The following TMLHE variants were observed in gnomAD, a reference collection of about 807,000 sequenced individuals.
TMLHE encodes the protein trimethyllysine hydroxylase, epsilon.
TMLHE carries 18 observed loss-of-function variants against 25.7 expected under a neutral mutation model. That is an observed-to-expected ratio of 0.70 (90% CI 0.48 to 1.04). TMLHE has a LOEUF of 1.04. TMLHE is among the 50% of genes least tolerant of loss of function. The probability of loss-of-function intolerance (pLI) is 0.00; values close to 1 mark genes in which losing one functional copy is unlikely to be tolerated. For missense variants in TMLHE, 236 were observed against 259.0 expected (o/e 0.91, Z 0.61); for synonymous variants, 105 against 97.0 (o/e 1.08, Z -0.49).
chrX:155,606,502 T>C (rs2067787379), intron 1 of TMLHE, among the ~76,000 whole-genome samples: 1 of 111,764 alleles, frequency 8.9e-6, no homozygotes, highest in South Asian at 3.7e-4. Context: ...AACCTGCTCC[T>C]GAATGACTTT....
intron 1 of TMLHE, among the ~76,000 whole-genome samples, chrX:155,580,418 T>C (rs1157169399): frequency 8.9e-6 from 1 of 111,834 alleles, no homozygotes; most frequent in Non-Finnish European, 1.9e-5. Flanking sequence ...CTCTACAGTA[T>C]GGAGATTTCT....
chrX:155,598,908 C>A (rs1557346880), intron 1 of TMLHE, among the ~76,000 whole-genome samples: 1 of 110,481 alleles, frequency 9.1e-6, no homozygotes, highest in African/African-American at 3.3e-5. Context: ...TTATGATGTT[C>A]TTCTGTAGTT....
intron 1 of TMLHE, among the ~76,000 whole-genome samples, chrX:155,608,251 G>A (rs2067798429): frequency 8.9e-6 from 1 of 111,801 alleles, no homozygotes; most frequent in African/African-American, 3.3e-5. Context: ...AAATAAGGTT[G>A]TGTGCCTACA....
rs188294671 is a variant in TMLHE, at chrX:155,576,766, C to G, written c.-1-31489G>C. 2.2e-3 allele frequency among the ~76,000 whole-genome samples: 246 copies of G among 111,648 alleles called. 4 individuals are homozygous for G. The highest frequency in any genetic ancestry group is 4.0e-4 in the Non-Finnish European group (21 of 53,146). On this transcript the variant is annotated intron_variant, in intron 1 of 7. Transcript: ENST00000334398. ...AAAGCAAGCAATGAAGAAAGGATTC[C>G]CTATTCAATAAATGGTGCTGGGATA...
intron 1 of TMLHE, among the ~76,000 whole-genome samples, chrX:155,571,828 C>T (rs1254209410): frequency 3.8e-5 from 2 of 52,170 alleles, no homozygotes; most frequent in East Asian, 7.4e-4. Flanking sequence ...ATTGATGGGA[C>T]GTATCTCAAA....
chrX:155,512,951 T>A (rs2067127799), intron 4 of TMLHE, among the ~76,000 whole-genome samples: 1 of 111,736 alleles, frequency 8.9e-6, no homozygotes, highest in African/African-American at 3.3e-5. Flanking sequence ...GCTTTCAAAG[T>A]TCATCTTATT....
chrX:155,591,555 A>T (rs1557345966), intron 1 of TMLHE, among the ~76,000 whole-genome samples: 1 of 112,299 alleles, frequency 8.9e-6, no homozygotes, highest in African/African-American at 3.2e-5. Context: ...AAAATTAAGA[A>T]AAACATATAA....
At chrX:155,602,899 A>G (rs1365450685) in intron 1 of TMLHE, among the ~76,000 whole-genome samples, 1 of 112,592 alleles carries the variant, frequency 8.9e-6, no homozygotes, top group Non-Finnish European at 1.9e-5. Context: ...TGAAAACTAC[A>G]AAACATTGTT....
chrX:155,547,208 T>G (rs5940377), intron 1 of TMLHE, among the ~76,000 whole-genome samples: 43,718 of 85,443 alleles, frequency 0.51, 13,260 homozygotes, highest in Middle Eastern at 0.74. Flanking sequence ...GCAGTGGCGC[T>G]ATCTCGGCTC....
chrX:155,547,213 C>G (rs1205362251), intron 1 of TMLHE, among the ~76,000 whole-genome samples: 10 of 92,612 alleles, frequency 1.1e-4, no homozygotes, highest in Admixed American at 1.2e-4. Context: ...GGCGCTATCT[C>G]GGCTCACTGC....
intron 3 of TMLHE, among the ~76,000 whole-genome samples, chrX:155,523,962 A>G (rs1557336104): frequency 8.9e-6 from 1 of 112,412 alleles, no homozygotes; most frequent in African/African-American, 3.2e-5. Flanking sequence ...GTTTAAGTAT[A>G]TAGAAATATG....
At chrX:155,524,920 GA>G (rs1171396325) in intron 2 of TMLHE, among the ~76,000 whole-genome samples, 1 of 111,844 alleles carries the variant, frequency 8.9e-6, no homozygotes, top group African/African-American at 3.3e-5. Context: ...AGTCATTGAG[GA>G]AAAAATGAAT....
chrX:155,549,217 A>G (rs993876823), intron 1 of TMLHE, among the ~76,000 whole-genome samples: 4 of 110,822 alleles, frequency 3.6e-5, no homozygotes, highest in African/African-American at 1.3e-4. Flanking sequence ...TGCAAACTTT[A>G]TACCTTTTGT....
Position 155,507,142 on chromosome X carries a change from G to C in TMLHE, c.759-8C>G. ...CAATGAAACACTTGAATGCTAAAGA[G>C]AGAAAAGAAAATTCTTCTGTTCAGT... On this transcript the variant is annotated splice_polypyrimidine_tract_variant and splice_region_variant and intron_variant, in intron 5 of 7. Coordinates refer to ENST00000334398, the MANE Select transcript of TMLHE (RefSeq NM_018196.4). 1 of 1,161,473 alleles carries C rather than the reference G, an allele frequency of 8.6e-7. No individual in the cohort carries two copies.
intron 3 of TMLHE, among the ~76,000 whole-genome samples, chrX:155,524,111 A>C (rs993434439): frequency 3.6e-5 from 4 of 111,191 alleles, no homozygotes; most frequent in Non-Finnish European, 7.5e-5. Flanking sequence ...TTATGTATGA[A>C]TTTTATTAAT....
At chrX:155,524,783 T>A (rs2067209309) in intron 2 of TMLHE, 151 bp from the exon 3 acceptor site, 1 of 381,279 alleles carries the variant, frequency 2.6e-6, no homozygotes, top group South Asian at 1.3e-4. Flanking sequence ...AAATATACTG[T>A]AGAACTTCTA....
intron 6 of TMLHE, among the ~76,000 whole-genome samples, chrX:155,505,934 T>C (rs1169437422): frequency 9.0e-6 from 1 of 111,281 alleles, no homozygotes; most frequent in Non-Finnish European, 1.9e-5. Context: ...TCTGCAAAAA[T>C]GCATAGTAAA....
At position 155,549,260 on chromosome X, in the gene TMLHE, G is replaced by C. The variant is rs1223777458; in HGVS notation, c.-1-3983C>G. On this transcript the variant is annotated intron_variant, in intron 1 of 7. Transcript: ENST00000334398. ...TTTGCTGCATTGTGCTCACTAGTTA[G>C]GAGGAGTAAGCATGGACAACCTTGC... Among the ~76,000 whole-genome samples the C allele has an allele frequency of 7.2e-5, 8 of 110,750 alleles. No homozygotes were observed. In the East Asian group the frequency reaches 2.0e-3, roughly 27 times the overall value.
At chrX:155,588,701 C>T (rs1176198819) in intron 1 of TMLHE, among the ~76,000 whole-genome samples, 2 of 110,974 alleles carry the variant, frequency 1.8e-5, no homozygotes, top group African/African-American at 6.5e-5. Context: ...TTTTAAAATA[C>T]ATACAAATTG....
Sources: allele counts gnomAD v4.1 joint callset (sites outside exome capture counted in the v4.1 genomes callset), GRCh38; gene constraint gnomAD v4.1.1; transcripts MANE v1.5; gene names NCBI Gene and HGNC (gene_info 2026-07-23, HGNC 2026-07-21).